Variants in CDH9 observed in about 807,000 individuals in gnomAD.
CDH9 encodes the protein cadherin-9.
Under a neutral mutation model 70.9 loss-of-function variants are expected in CDH9, and 28 were observed. The ratio of observed to expected loss-of-function variants is 0.40; its 90% CI spans 0.29 to 0.54. The LOEUF (loss-of-function observed/expected upper bound fraction) is 0.54. Ranked by LOEUF, CDH9 falls within the 20% of genes least tolerant of loss-of-function variation. The pLI, the probability that CDH9 is intolerant of heterozygous loss-of-function variation, is 0.59. For synonymous variants in CDH9, 409 were observed against 343.1 expected, an observed-to-expected ratio of 1.19 and a Z score of -2.12; for missense variants, 874 against 984.4, an observed-to-expected ratio of 0.89 and a Z score of 1.50.
At chr5:26,972,173 T>A (rs1162302096) in intron 2 of CDH9, among the ~76,000 whole-genome samples, 1 of 152,162 alleles carries the variant, frequency 6.6e-6, no homozygotes, top group East Asian at 1.9e-4. Context: ...AAAAAACTTA[T>A]TTCAAAGGGG....
intron 2 of CDH9, among the ~76,000 whole-genome samples, chr5:26,966,183 G>A (rs1742126141): frequency 6.6e-6 from 1 of 152,132 alleles, no homozygotes; most frequent in African/African-American, 2.4e-5. Flanking sequence ...AGGATGCAAA[G>A]GGCCGGTCTC....
intron 1 of CDH9, among the ~76,000 whole-genome samples, chr5:27,035,674 ACGTGTGTG>A (rs903875356): frequency 8.9e-6 from 1 of 112,000 alleles, no homozygotes; most frequent in Non-Finnish European, 1.9e-5. Flanking sequence ...ATTGCTATTG[ACGTGTGTG>A]TGTGTGTGTG....
chr5:26,938,534 A>C (rs1345126771), intron 2 of CDH9, among the ~76,000 whole-genome samples: 1 of 152,090 alleles, frequency 6.6e-6, no homozygotes, highest in East Asian at 1.9e-4. Context: ...AATTTGAAGC[A>C]AAAATTATTT....
chr5:26,960,518 AAAAC>A (rs758768016), intron 2 of CDH9, among the ~76,000 whole-genome samples: 7 of 152,010 alleles, frequency 4.6e-5, no homozygotes, highest in African/African-American at 7.2e-5. Context: ...GTTCAATTAG[AAAAC>A]AAACAAAAAA....
intron 2 of CDH9, among the ~76,000 whole-genome samples, chr5:26,955,492 C>T (rs7717875): frequency 0.016 from 2,495 of 152,114 alleles, 38 homozygotes; most frequent in Non-Finnish European, 0.024. Flanking sequence ...TTCCTTGGCT[C>T]GTAGCCCCAT....
intron 1 of CDH9, among the ~76,000 whole-genome samples, chr5:27,036,107 C>T (rs1349787821): frequency 6.6e-6 from 1 of 151,810 alleles, no homozygotes; most frequent in Non-Finnish European, 1.5e-5. Flanking sequence ...TAACTACACC[C>T]ATATACTGTA....
chr5:26,986,440 A>C (rs1742489771), intron 2 of CDH9, among the ~76,000 whole-genome samples: 1 of 152,146 alleles, frequency 6.6e-6, no homozygotes, highest in African/African-American at 2.4e-5. Flanking sequence ...TTGCACACAA[A>C]ATTTTAAACT....
intron 11 of CDH9, 76 bp from the exon 12 acceptor site, chr5:26,881,699 T>A: frequency 7.5e-7 from 1 of 1,340,798 alleles, no homozygotes; most frequent in South Asian, 1.4e-5. Context: ...AGTGTGAAAT[T>A]CGTTTGGTGC....
chr5:26,984,868 C>A (rs112693886), intron 2 of CDH9, among the ~76,000 whole-genome samples: 1 of 151,996 alleles, frequency 6.6e-6, no homozygotes, highest in Non-Finnish European at 1.5e-5. Flanking sequence ...TGCATTATTG[C>A]GAAAAACAAA....
chr5:27,012,970 A>T (rs1470702016), intron 1 of CDH9, among the ~76,000 whole-genome samples: 3 of 151,990 alleles, frequency 2.0e-5, no homozygotes, highest in African/African-American at 7.2e-5. Context: ...AGATGATAAT[A>T]ATAGTCATTT....
chr5:26,920,482 T>A (rs1741225124), intron 2 of CDH9, among the ~76,000 whole-genome samples: 1 of 151,980 alleles, frequency 6.6e-6, no homozygotes, highest in Non-Finnish European at 1.5e-5. Flanking sequence ...CTAGATTCAC[T>A]GTGTGTTGAT....
rs1196454812 is a variant in CDH9, at chr5:26,902,670, G to A, written c.1059C>T (p.His353=). Residue 353 remains histidine, a synonymous_variant, in exon 7 of 12, where the codon CAC becomes CAT. Coordinates refer to ENST00000231021, the MANE Select transcript of CDH9 (RefSeq NM_016279.4). Reference sequence around the variant, plus strand: ...CCAGGTGTAAGAATCGTGGATCAGGGTGAGTGTTACTTGCATCCACTCTTA... The same window carrying A: ...CCAGGTGTAAGAATCGTGGATCAGGATGAGTGTTACTTGCATCCACTCTTA... ...YTLRVDASNT[H]PDPRFLHLGP... 6.3e-7 allele frequency: 1 copy of A among 1,582,870 alleles called. No individual in the cohort carries two copies. The highest frequency in any genetic ancestry group is 8.7e-7 in the Non-Finnish European group (1 of 1,152,174).
Position 26,911,954 on chromosome 5 carries a change from GAGA to G in CDH9, c.523+3673_523+3675del, listed in dbSNP as rs1437805484. Among the ~76,000 whole-genome samples the G allele has an allele frequency of 3.3e-5, 5 of 152,048 alleles. No homozygotes were observed. In the East Asian group the frequency reaches 7.8e-4, roughly 24 times the overall value. The stretch of plus-strand genomic sequence containing the variant: ...ACAAGAAGGGAAGGAGTTGGTAAGA[GAGA>G]AGAAGAAGAAACAAATACTTTAAGA... On this transcript the variant is annotated intron_variant, in intron 3 of 11. Coordinates refer to ENST00000231021, the MANE Select transcript of CDH9 (RefSeq NM_016279.4).
intron 7 of CDH9, among the ~76,000 whole-genome samples, chr5:26,895,832 T>G (rs1005259389): frequency 5.9e-5 from 9 of 152,072 alleles, no homozygotes; most frequent in African/African-American, 2.2e-4. Context: ...CTATTTCTGC[T>G]CTGAGATCAG....
At chr5:27,023,950 G>A (rs1323511822) in intron 1 of CDH9, among the ~76,000 whole-genome samples, 1 of 151,908 alleles carries the variant, frequency 6.6e-6, no homozygotes, top group Non-Finnish European at 1.5e-5. Flanking sequence ...TACTCGGGAG[G>A]CTGAGGTAGG....
intron 11 of CDH9, among the ~76,000 whole-genome samples, chr5:26,884,404 G>A (rs1561181707): frequency 1.3e-5 from 2 of 152,034 alleles, no homozygotes; most frequent in South Asian, 4.1e-4. Context: ...AACTTCCTGA[G>A]CGAATAAAAC....
intron 2 of CDH9, among the ~76,000 whole-genome samples, chr5:26,982,858 T>G (rs1205289559): frequency 2.0e-5 from 3 of 150,428 alleles, no homozygotes; most frequent in Admixed American, 1.3e-4. Context: ...AATATTTGTA[T>G]TTTTTTTTAG....
chr5:26,958,115 A>G (rs1741976211), intron 2 of CDH9, among the ~76,000 whole-genome samples: 1 of 152,190 alleles, frequency 6.6e-6, no homozygotes, highest in East Asian at 1.9e-4. Flanking sequence ...AACAACAGCA[A>G]CAAAGAATAC....
intron 1 of CDH9, among the ~76,000 whole-genome samples, chr5:27,011,604 C>T (rs971919258): frequency 1.3e-5 from 2 of 152,008 alleles, no homozygotes; most frequent in Non-Finnish European, 2.9e-5. Flanking sequence ...GTTTGTCATG[C>T]ATTGCTATGG....
Sources: allele counts gnomAD v4.1 joint callset (sites outside exome capture counted in the v4.1 genomes callset), GRCh38; gene constraint gnomAD v4.1.1; transcripts MANE v1.5; gene names NCBI Gene and HGNC (gene_info 2026-07-23, HGNC 2026-07-21).